Variants in ANO4 observed in about 807,000 individuals in gnomAD.
The protein encoded by ANO4 is anoctamin 4, also known as anoctamin-4.
Under a neutral mutation model 141.9 loss-of-function variants are expected in ANO4, and 69 were observed. The observed-to-expected ratio is 0.49, with a 90% CI of 0.40 to 0.59. The LOEUF (loss-of-function observed/expected upper bound fraction) is 0.59. Ranked by LOEUF, ANO4 falls within the 20% of genes least tolerant of loss-of-function variation. ANO4 has a pLI of 0.00. For synonymous variants in ANO4, 350 were observed against 394.3 expected (o/e 0.89, Z 1.33); for missense variants, 894 against 1,162.2 (o/e 0.77, Z 3.36).
chr12:100,881,150 G>A (rs1050731093), intron 1 of ANO4, among the ~76,000 whole-genome samples: 5 of 151,276 alleles, frequency 3.3e-5, no homozygotes, highest in Non-Finnish European at 7.4e-5. Context: ...GGGGGGAGGC[G>A]GGAGGGATAG....
At chr12:100,804,418 G>A (rs1565889040) in intron 1 of ANO4, among the ~76,000 whole-genome samples, 1 of 152,204 alleles carries the variant, frequency 6.6e-6, no homozygotes, top group South Asian at 2.1e-4. Flanking sequence ...ACAAATGCAT[G>A]CATGTATCTT....
chr12:101,000,338 A>G lies in ANO4; in HGVS notation c.734+12668A>G, dbSNP rs141722880. Among the ~76,000 whole-genome samples the G allele has an allele frequency of 2.6e-5, 4 of 152,370 alleles. No individual in the cohort carries two copies. The East Asian group carries it at 7.7e-4, about 29-fold the overall frequency. Reference sequence around the variant, plus strand: ...ATTTAACATTTTATGTGTCAGTAACATATGACTACTTGCTTTTAAACTCTC... The same window carrying G: ...ATTTAACATTTTATGTGTCAGTAACGTATGACTACTTGCTTTTAAACTCTC... On this transcript the variant is annotated intron_variant, in intron 8 of 27. Coordinates refer to ENST00000392977, the MANE Select transcript of ANO4 (RefSeq NM_001286615.2).
chr12:100,817,266 GCATGT>G (rs150426725), intron 1 of ANO4, among the ~76,000 whole-genome samples: 7,169 of 151,924 alleles, frequency 0.047, 220 homozygotes, highest in Middle Eastern at 0.079. Context: ...AAACAGGCAT[GCATGT>G]ATTTTATATT....
rs534513149 is a variant in ANO4 at position 100,757,451 on chromosome 12, C to T, written c.358+17346C>T. Among the ~76,000 whole-genome samples the T allele has an allele frequency of 3.0e-4, 46 of 152,320 alleles. No individual in the cohort carries two copies. In the South Asian group the frequency reaches 6.0e-3, roughly 20 times the overall value. ...TCTGTAATGCTTCATGATTGGGCCT[C>T]TGCCCAATATTATCTTCGATTACTC... On this transcript the variant is annotated intron_variant, in intron 3 of 29. Coordinates refer to the ANO4 transcript ENST00000644049.
intron 7 of ANO4, among the ~76,000 whole-genome samples, chr12:100,979,275 A>T (rs1420963752): frequency 6.6e-6 from 1 of 152,092 alleles, no homozygotes; most frequent in South Asian, 2.1e-4. Flanking sequence ...GTCTCCATGG[A>T]GTGATGGTTC....
chr12:100,824,465 T>C (rs1054559426), intron 1 of ANO4, among the ~76,000 whole-genome samples: 1 of 152,062 alleles, frequency 6.6e-6, no homozygotes, highest in African/African-American at 2.4e-5. Context: ...AAACATTCTA[T>C]TTAGTTTAAA....
At chr12:101,048,439 A>T in intron 14 of ANO4, 38 bp downstream of exon 14, 2 of 1,561,100 alleles carry the variant, frequency 1.3e-6, no homozygotes, top group Non-Finnish European at 1.8e-6. Flanking sequence ...AGTTTTCCTC[A>T]TATGCCCTAT....
At chr12:100,775,795 A>C (rs143170806) in intron 3 of ANO4, among the ~76,000 whole-genome samples, 1,904 of 152,180 alleles carry the variant, frequency 0.013, 24 homozygotes, top group African/African-American at 0.043. Context: ...TCCTATTACG[A>C]TTATGAGTTC....
chr12:101,127,579 C>A lies in ANO4; in HGVS notation c.*5-282C>A, dbSNP rs566401411. Among the ~76,000 whole-genome samples, 15 of 152,284 alleles carry A rather than the reference C, an allele frequency of 9.9e-5. No homozygotes were observed. The South Asian group carries it at 2.9e-3, about 29-fold the overall frequency. ...CCACCACTACTGGCTGCTTTCTTCC[C>A]AAAAAGGCCATTTCTAATTTTTGCT... On this transcript the variant is annotated intron_variant, in intron 27 of 27. Transcript: ENST00000392977.
intron 1 of ANO4, among the ~76,000 whole-genome samples, chr12:100,857,071 C>T (rs1334276299): frequency 6.6e-6 from 1 of 151,996 alleles, no homozygotes. Flanking sequence ...AGTGTGGTGT[C>T]ATGTGGCAGT....
intron 8 of ANO4, among the ~76,000 whole-genome samples, chr12:100,996,771 C>T (rs1334809849): frequency 6.6e-6 from 1 of 152,176 alleles, no homozygotes; most frequent in Non-Finnish European, 1.5e-5. Context: ...TCTGTAACAT[C>T]CCTTTGATTG....
chr12:101,021,856 T>G lies in ANO4; in HGVS notation c.841+1716T>G, dbSNP rs142034253. Among the ~76,000 whole-genome samples, 11 of 152,268 alleles carry G rather than the reference T, an allele frequency of 7.2e-5. No individual in the cohort carries two copies. In the East Asian group the frequency reaches 1.9e-3, roughly 27 times the overall value. On this transcript the variant is annotated intron_variant, in intron 9 of 27. Coordinates refer to ENST00000392977, the MANE Select transcript of ANO4 (RefSeq NM_001286615.2). ...AATAGAAAAGGAAGTACATAAAATT[T>G]TACATTAATATCACTGTAAAAAATT...
At chr12:101,041,726 AT>A (rs1476209612) in intron 11 of ANO4, among the ~76,000 whole-genome samples, 2 of 152,322 alleles carry the variant, frequency 1.3e-5, no homozygotes, top group East Asian at 3.9e-4. Context: ...ATTAGGTAAA[AT>A]GTGTGACAGA....
chr12:100,865,574 A>G (rs2038713837), intron 1 of ANO4, among the ~76,000 whole-genome samples: 1 of 152,234 alleles, frequency 6.6e-6, no homozygotes, highest in Non-Finnish European at 1.5e-5. Context: ...ATCACTGGTC[A>G]TTAGAGAAAT....
At chr12:100,721,856 T>C (rs1222481771) in intron 1 of ANO4, among the ~76,000 whole-genome samples, 1 of 149,288 alleles carries the variant, frequency 6.7e-6, no homozygotes, top group Non-Finnish European at 1.5e-5. Flanking sequence ...CTTTTAATTT[T>C]TTTTTTTTTT....
chr12:101,002,883 A>G (rs2045710699), intron 8 of ANO4, among the ~76,000 whole-genome samples: 1 of 152,110 alleles, frequency 6.6e-6, no homozygotes, highest in Non-Finnish European at 1.5e-5. Flanking sequence ...GCATCCATTT[A>G]TTATCATCCT....
chr12:101,100,335 G>A (rs900321711), intron 22 of ANO4, among the ~76,000 whole-genome samples: 7 of 152,102 alleles, frequency 4.6e-5, no homozygotes, highest in African/African-American at 1.7e-4. Context: ...GGAAATGAGG[G>A]AAGGGCTGGG....
At chr12:100,973,829 C>T (rs2044035727) in intron 6 of ANO4, among the ~76,000 whole-genome samples, 2 of 152,164 alleles carry the variant, frequency 1.3e-5, no homozygotes, top group African/African-American at 4.8e-5. Context: ...CTGCACTGCC[C>T]TAAAAGTCTC....
rs192313588 is a variant in ANO4, at chr12:100,762,492, A to T, written c.358+22387A>T. On this transcript the variant is annotated intron_variant, in intron 3 of 29. Transcript: ENST00000644049. ...GACTAGACTACCTTTTCCCAGTTGA[A>T]AAGCAAGGCTCCCCTGGCAAGGGCA... Among the ~76,000 whole-genome samples the T allele has an allele frequency of 3.9e-5, 6 of 152,270 alleles. No homozygotes were observed. The East Asian group carries it at 1.2e-3, about 29-fold the overall frequency.
Sources: gnomAD v4.1 joint callset for allele counts (sites outside exome capture counted in the v4.1 genomes callset) on GRCh38, gnomAD v4.1.1 for gene constraint, MANE v1.5 for transcripts, NCBI Gene and HGNC (gene_info 2026-07-23, HGNC 2026-07-21) for gene names.